CSMD3: variants seen among roughly 807,000 people sequenced by gnomAD.
CSMD3 encodes the protein CUB and sushi domain-containing protein 3.
A neutral mutation model predicts 435.2 loss-of-function variants in CSMD3; 177 were observed. The observed-to-expected ratio is 0.41, with a 90% CI of 0.36 to 0.46. The LOEUF is 0.46. Among genes scored for constraint, CSMD3 ranks in the 20% least tolerant of loss-of-function variants. The pLI, the probability that CSMD3 is intolerant of heterozygous loss-of-function variation, is 0.34. For synonymous variants in CSMD3, 1,656 were observed against 1,520.5 expected (o/e 1.09, Z -2.07); for missense variants, 4,265 against 4,504.6 (o/e 0.95, Z 1.52).
At chr8:112,542,205 T>TG (rs1271214114) in intron 27 of CSMD3, among the ~76,000 whole-genome samples, 2 of 132,808 alleles carry the variant, frequency 1.5e-5, no homozygotes, top group African/African-American at 5.6e-5. Context: ...TCATACTGTC[T>TG]GGAAAAAAAA....
intron 5 of CSMD3, among the ~76,000 whole-genome samples, chr8:113,060,465 G>A (rs936367311): frequency 6.6e-6 from 1 of 151,896 alleles, no homozygotes; most frequent in Non-Finnish European, 1.5e-5. Context: ...TAATGTCAAG[G>A]TTTATGTGGA....
intron 38 of CSMD3, among the ~76,000 whole-genome samples, chr8:112,375,958 T>C (rs1202545659): frequency 6.6e-6 from 1 of 152,094 alleles, no homozygotes; most frequent in Non-Finnish European, 1.5e-5. Context: ...CCGACTGAAA[T>C]AGTTTGAATT....
intron 27 of CSMD3, among the ~76,000 whole-genome samples, chr8:112,542,625 C>T (rs1186872270): frequency 2.6e-5 from 4 of 151,530 alleles, no homozygotes; most frequent in Admixed American, 1.3e-4. Flanking sequence ...GACTTGTATA[C>T]TGAAAACTAT....
chr8:112,630,351 T>C (rs994629481), intron 22 of CSMD3, among the ~76,000 whole-genome samples: 52 of 152,294 alleles, frequency 3.4e-4, no homozygotes, highest in African/African-American at 1.2e-3. Context: ...AGATTATATA[T>C]ATAACTGCTA....
chr8:112,993,134 T>TA (rs1449890924), intron 6 of CSMD3, among the ~76,000 whole-genome samples: 1 of 151,628 alleles, frequency 6.6e-6, no homozygotes. Context: ...GTACTGCGAT[T>TA]TAAAAAAATA....
intron 13 of CSMD3, among the ~76,000 whole-genome samples, chr8:112,758,482 G>A (rs920488099): frequency 6.6e-6 from 1 of 151,734 alleles, no homozygotes; most frequent in African/African-American, 2.4e-5. Context: ...ACAAAATATA[G>A]CTAACATTAA....
chr8:112,722,025 G>A (rs964726394), intron 13 of CSMD3, among the ~76,000 whole-genome samples: 2 of 151,726 alleles, frequency 1.3e-5, no homozygotes, highest in African/African-American at 2.4e-5. Context: ...ATTTGGGGAC[G>A]TAACTTCACT....
At chr8:112,503,282 T>A (rs191956928) in intron 30 of CSMD3, among the ~76,000 whole-genome samples, 3 of 152,236 alleles carry the variant, frequency 2.0e-5, no homozygotes, top group African/African-American at 7.2e-5. Context: ...CTGCTCTCAC[T>A]ATGTTTCTTA....
intron 27 of CSMD3, among the ~76,000 whole-genome samples, chr8:112,538,063 T>A (rs1169167815): frequency 6.6e-6 from 1 of 151,938 alleles, no homozygotes; most frequent in African/African-American, 2.4e-5. Context: ...ACAGGATACA[T>A]CTCATTAGCA....
In CSMD3 at chr8:112,920,988, C is replaced by T. The variant is rs575240543; in HGVS notation, c.1633+639G>A. Among the ~76,000 whole-genome samples the T allele has an allele frequency of 1.6e-4, 18 of 111,072 alleles. 1 individual carries two copies. Among genetic ancestry groups the T allele is most frequent in the East Asian group, 7.0e-4 (3 of 4,284 alleles). 72.9% of individuals were successfully genotyped at this position (111,072 alleles called of 152,430 possible). A position where few individuals can be genotyped will look rare whatever the true frequency, so the allele number is the denominator to read the frequency against. ...TTATATATATATATGTACACACATACGCGCGCGCGCACACACACACACACA... is the reference window on the plus strand; with the variant it reads ...TTATATATATATATGTACACACATATGCGCGCGCGCACACACACACACACA... On this transcript the variant is annotated intron_variant, in intron 10 of 70. Coordinates refer to ENST00000297405, the MANE Select transcript of CSMD3 (RefSeq NM_198123.2).
At chr8:112,532,728 T>A (rs1000273856) in intron 27 of CSMD3, among the ~76,000 whole-genome samples, 8 of 152,234 alleles carry the variant, frequency 5.3e-5, no homozygotes, top group African/African-American at 1.7e-4. Flanking sequence ...AAAAGGATGT[T>A]AATATACAGC....
chr8:112,389,342 A>C (rs1419854587), intron 36 of CSMD3, among the ~76,000 whole-genome samples: 1 of 152,202 alleles, frequency 6.6e-6, no homozygotes, highest in African/African-American at 2.4e-5. Context: ...TAAAGGTATC[A>C]TATCATTTCA....
rs112945915 is a variant in CSMD3 at position 112,323,059 on chromosome 8, T to C, written c.7166-3078A>G. ...ATTGAGTGTCAGACAATGCTAAACA[T>C]TGAAATATAGGCAAGATCTGGTTAA... On this transcript the variant is annotated intron_variant, in intron 45 of 70. Transcript: ENST00000297405. 3.7e-3 allele frequency among the ~76,000 whole-genome samples: 570 copies of C among 152,066 alleles called. 3 individuals are homozygous for C. The highest frequency in any genetic ancestry group is 6.7e-3 in the Non-Finnish European group (457 of 67,922).
At chr8:112,671,426 A>T (rs2075652707) in intron 16 of CSMD3, among the ~76,000 whole-genome samples, 1 of 151,960 alleles carries the variant, frequency 6.6e-6, no homozygotes, top group Admixed American at 6.6e-5. Context: ...ATCAAACATA[A>T]ATGATCTAAT....
rs555723369 is a variant in CSMD3, at chr8:112,860,061, A to G, written c.1634-795T>C. Among the ~76,000 whole-genome samples the G allele has an allele frequency of 1.3e-4, 19 of 151,972 alleles. No homozygotes were observed. In the South Asian group the frequency reaches 3.7e-3, roughly 30 times the overall value. Reference sequence around the variant, plus strand: ...TTTTCATATGCACTTAAATCTGTACATAGTTATCATCATCACCACTTTGAA... The same window carrying G: ...TTTTCATATGCACTTAAATCTGTACGTAGTTATCATCATCACCACTTTGAA... On this transcript the variant is annotated intron_variant, in intron 10 of 70. Coordinates refer to ENST00000297405, the MANE Select transcript of CSMD3 (RefSeq NM_198123.2).
intron 5 of CSMD3, among the ~76,000 whole-genome samples, chr8:113,072,476 A>T (rs1233611356): frequency 6.6e-6 from 1 of 151,468 alleles, no homozygotes; most frequent in Non-Finnish European, 1.5e-5. Flanking sequence ...AATTTCTTCT[A>T]TATCTGTTTT....
At chr8:112,413,522 C>T (rs1277189446) in intron 32 of CSMD3, among the ~76,000 whole-genome samples, 6 of 152,076 alleles carry the variant, frequency 3.9e-5, no homozygotes, top group Non-Finnish European at 7.3e-5. Flanking sequence ...TGTAAGATGG[C>T]ATAAAGAAAC....
intron 32 of CSMD3, among the ~76,000 whole-genome samples, chr8:112,463,253 T>C (rs1681212377): frequency 6.6e-6 from 1 of 152,104 alleles, no homozygotes; most frequent in Non-Finnish European, 1.5e-5. Context: ...TCCCAGCTAC[T>C]CAGCAGGCTG....
chr8:113,240,755 A>T (rs2093205644), intron 3 of CSMD3, among the ~76,000 whole-genome samples: 1 of 152,160 alleles, frequency 6.6e-6, no homozygotes. Context: ...ATGAGGTATA[A>T]TCTCACTTCA....
Sources: gnomAD v4.1 joint callset for allele counts (sites outside exome capture counted in the v4.1 genomes callset) on GRCh38, gnomAD v4.1.1 for gene constraint, MANE v1.5 for transcripts, NCBI Gene and HGNC (gene_info 2026-07-23, HGNC 2026-07-21) for gene names.